Variants in CNTNAP5 observed in about 807,000 individuals in gnomAD.
The protein encoded by CNTNAP5 is contactin-associated protein-like 5.
Under a neutral mutation model 150.2 loss-of-function variants are expected in CNTNAP5, and 72 were observed. The ratio of observed to expected loss-of-function variants is 0.48; its 90% CI spans 0.40 to 0.58. The LOEUF (loss-of-function observed/expected upper bound fraction) is 0.58. Among genes scored for constraint, CNTNAP5 ranks in the 20% least tolerant of loss-of-function variants. The probability of loss-of-function intolerance (pLI) is 0.00; values close to 1 mark genes in which losing one functional copy is unlikely to be tolerated. For synonymous variants in CNTNAP5, 672 were observed against 619.8 expected, an observed-to-expected ratio of 1.08 and a Z score of -1.25; for missense variants, 1,636 against 1,626.2, an observed-to-expected ratio of 1.01 and a Z score of -0.10.
chr2:124,271,628 G>A (rs1190030426), intron 3 of CNTNAP5, among the ~76,000 whole-genome samples: 1 of 151,638 alleles, frequency 6.6e-6, no homozygotes, highest in East Asian at 1.9e-4. Flanking sequence ...AAAAGATACA[G>A]CTTTAATTTC....
chr2:124,809,087 GA>G (rs1308301771), intron 19 of CNTNAP5, among the ~76,000 whole-genome samples: 2 of 151,722 alleles, frequency 1.3e-5, no homozygotes, highest in Non-Finnish European at 2.9e-5. Flanking sequence ...TCCCCTCATT[GA>G]AAAAAATACT....
chr2:124,220,259 T>C (rs1275008928), intron 1 of CNTNAP5, among the ~76,000 whole-genome samples: 3 of 152,114 alleles, frequency 2.0e-5, no homozygotes, highest in African/African-American at 7.2e-5. Context: ...TGTCTAGATT[T>C]CATGAAGTCA....
At chr2:124,056,348 G>A (rs1181209653) in intron 1 of CNTNAP5, among the ~76,000 whole-genome samples, 2 of 152,186 alleles carry the variant, frequency 1.3e-5, no homozygotes, top group African/African-American at 4.8e-5. Flanking sequence ...GTGATGGCCA[G>A]GCACGGTGGC....
At chr2:124,586,794 A>C (rs1279517656) in intron 11 of CNTNAP5, among the ~76,000 whole-genome samples, 1 of 152,236 alleles carries the variant, frequency 6.6e-6, no homozygotes, top group Non-Finnish European at 1.5e-5. Context: ...TTGGAAGCTA[A>C]CTACAGGGAA....
chr2:124,913,055 G>T (rs1461646529), intron 23 of CNTNAP5, among the ~76,000 whole-genome samples: 1 of 151,950 alleles, frequency 6.6e-6, no homozygotes, highest in East Asian at 1.9e-4. Context: ...AAAAAAATTG[G>T]TGGAAGACAT....
intron 19 of CNTNAP5, among the ~76,000 whole-genome samples, chr2:124,825,548 A>G (rs2104674124): frequency 6.6e-6 from 1 of 152,312 alleles, no homozygotes; most frequent in African/African-American, 2.4e-5. Flanking sequence ...AGGAAGCAGA[A>G]TCTTCAGGGT....
At chr2:124,753,094 G>A (rs1680764852) in intron 14 of CNTNAP5, among the ~76,000 whole-genome samples, 1 of 152,128 alleles carries the variant, frequency 6.6e-6, no homozygotes, top group Admixed American at 6.6e-5. Flanking sequence ...TAGTAACTCT[G>A]TTCTTTGCCT....
chr2:124,381,767 G>A (rs1690802066), intron 3 of CNTNAP5, among the ~76,000 whole-genome samples: 1 of 152,094 alleles, frequency 6.6e-6, no homozygotes, highest in Non-Finnish European at 1.5e-5. Flanking sequence ...GAGGTGTTGA[G>A]CCTATCAGTG....
At chr2:124,378,279 AC>A (rs1286913974) in intron 3 of CNTNAP5, among the ~76,000 whole-genome samples, 2 of 152,032 alleles carry the variant, frequency 1.3e-5, no homozygotes, top group Non-Finnish European at 2.9e-5. Context: ...TAAAAAAAAA[AC>A]ATGCTTTTTT....
At chr2:124,237,730 G>A (rs775178728) in intron 2 of CNTNAP5, among the ~76,000 whole-genome samples, 7 of 152,006 alleles carry the variant, frequency 4.6e-5, no homozygotes, top group Non-Finnish European at 8.8e-5. Flanking sequence ...CCAGCTACTC[G>A]GGAGGCTAAG....
chr2:124,202,801 AC>A (rs1366024523), intron 1 of CNTNAP5, among the ~76,000 whole-genome samples: 1 of 151,984 alleles, frequency 6.6e-6, no homozygotes, highest in African/African-American at 2.4e-5. Flanking sequence ...GAAAAAATTC[AC>A]CCCCATGATT....
At chr2:124,674,543 CTTT>C (rs58818120) in intron 13 of CNTNAP5, among the ~76,000 whole-genome samples, 2 of 130,770 alleles carry the variant, frequency 1.5e-5, no homozygotes, top group South Asian at 2.6e-4. Context: ...TTCTTTCTTT[CTTT>C]CTTTCTTCCT....
intron 1 of CNTNAP5, among the ~76,000 whole-genome samples, chr2:124,107,396 T>C (rs1234629761): frequency 6.6e-6 from 1 of 152,202 alleles, no homozygotes; most frequent in African/African-American, 2.4e-5. Flanking sequence ...AAAATGAATT[T>C]TCTAGCTTAA....
chr2:124,473,636 G>C (rs1158272954), intron 6 of CNTNAP5, among the ~76,000 whole-genome samples: 1 of 151,908 alleles, frequency 6.6e-6, no homozygotes, highest in Non-Finnish European at 1.5e-5. Flanking sequence ...GCTAAAAAGA[G>C]ACAGTGAACT....
At chr2:124,418,337 A>G (rs1468795467) in intron 4 of CNTNAP5, among the ~76,000 whole-genome samples, 2 of 152,174 alleles carry the variant, frequency 1.3e-5, no homozygotes, top group African/African-American at 2.4e-5. Context: ...CTTTCATCCA[A>G]ACTAGTTCAG....
intron 6 of CNTNAP5, among the ~76,000 whole-genome samples, chr2:124,459,110 G>T (rs1693188965): frequency 6.6e-6 from 1 of 152,176 alleles, no homozygotes; most frequent in Non-Finnish European, 1.5e-5. Flanking sequence ...TATAATACAA[G>T]ATTTGAAATT....
At chr2:124,051,800 A>G (rs1168929093) in intron 1 of CNTNAP5, among the ~76,000 whole-genome samples, 1 of 152,174 alleles carries the variant, frequency 6.6e-6, no homozygotes, top group Non-Finnish European at 1.5e-5. Flanking sequence ...GACACAGCGT[A>G]GTCACTCAAA....
intron 1 of CNTNAP5, among the ~76,000 whole-genome samples, chr2:124,182,444 G>A (rs7563285): frequency 6.6e-6 from 1 of 151,254 alleles, no homozygotes; most frequent in Non-Finnish European, 1.5e-5. Context: ...CTCAGGAAGC[G>A]GAAGTAACTT....
chr2:124,787,096 C>T lies in CNTNAP5; in HGVS notation c.2753-2806C>T, dbSNP rs1019852196. Among the ~76,000 whole-genome samples, 8 of 152,052 alleles carry T rather than the reference C, an allele frequency of 5.3e-5. No homozygotes were observed. In the East Asian group the frequency reaches 7.8e-4, roughly 15 times the overall value. On this transcript the variant is annotated intron_variant, in intron 17 of 23. Transcript: ENST00000682447. ...CACCAACCCCAGTCATCTTCTTCTC[C>T]ATTAAAAAAGTTGTTGACTAAGTCA...
Sources: gnomAD v4.1 joint callset for allele counts (sites outside exome capture counted in the v4.1 genomes callset) on GRCh38, gnomAD v4.1.1 for gene constraint, MANE v1.5 for transcripts, NCBI Gene and HGNC (gene_info 2026-07-23, HGNC 2026-07-21) for gene names.